Variants in ZNF326 observed in about 807,000 individuals in gnomAD.
ZNF326 encodes the protein zinc finger protein 326.
Under a neutral mutation model 63.1 loss-of-function variants are expected in ZNF326, and 30 were observed. The observed-to-expected ratio is 0.48, with a 90% CI of 0.36 to 0.64. The LOEUF is 0.64. ZNF326 is among the 30% of genes least tolerant of loss of function. ZNF326 has a pLI of 0.00. For synonymous variants in ZNF326, 194 were observed against 228.2 expected (o/e 0.85, Z 1.35); for missense variants, 609 against 720.3 (o/e 0.85, Z 1.77).
In ZNF326 at chr1:90,027,811, C is replaced by A; in HGVS notation, c.*110C>A. On this transcript the variant is annotated 3_prime_UTR_variant, in exon 12 of 12. Transcript: ENST00000340281. Reference sequence around the variant, plus strand: ...ATTAACACCCATGTTGCATGCATTCCACATATTAAAATTTGTTTTATATAA... The same window carrying A: ...ATTAACACCCATGTTGCATGCATTCAACATATTAAAATTTGTTTTATATAA... 2 of 951,392 alleles carry A rather than the reference C, an allele frequency of 2.1e-6. No individual in the cohort carries two copies. Among genetic ancestry groups the A allele is most frequent in the East Asian group, 2.6e-5 (1 of 38,288 alleles). The allele number at this position is 951,392 out of a possible 1,614,324, so 58.9% of individuals were successfully genotyped here.
intron 1 of ZNF326, among the ~76,000 whole-genome samples, chr1:89,996,954 C>G (rs1490866742): frequency 6.6e-6 from 1 of 152,192 alleles, no homozygotes; most frequent in Non-Finnish European, 1.5e-5. Context: ...TAAGGGAATC[C>G]ATTTCTATGG....
chr1:90,003,525 G>C (rs910618963), intron 2 of ZNF326, among the ~76,000 whole-genome samples: 1 of 152,182 alleles, frequency 6.6e-6, no homozygotes, highest in Non-Finnish European at 1.5e-5. Context: ...AGTATCACAA[G>C]CACCACGTGA....
chr1:90,009,041 G>C (rs1649118970), intron 5 of ZNF326, among the ~76,000 whole-genome samples: 1 of 152,102 alleles, frequency 6.6e-6, no homozygotes, highest in African/African-American at 2.4e-5. Context: ...ATTCTAGTTT[G>C]AAAATTTGGA....
In ZNF326 at chr1:90,005,745, G is replaced by A. The variant is rs1033780865; in HGVS notation, c.209+501G>A. ...TATTCCTTTAATTCTAATTTTAAAG[G>A]AAGAGCATATTGCAATAATAAAAAT... On this transcript the variant is annotated intron_variant, in intron 4 of 11. Coordinates refer to ENST00000340281, the MANE Select transcript of ZNF326 (RefSeq NM_182976.4). 13 of 983,244 alleles carry A rather than the reference G, an allele frequency of 1.3e-5. No individual in the cohort carries two copies. The African/African-American group carries it at 2.3e-4, about 17-fold the overall frequency. The allele number at this position is 983,244 out of a possible 1,614,324, so 60.9% of individuals were successfully genotyped here.
At chr1:90,005,980 G>A (rs1331017437) in intron 4 of ZNF326, 1 of 985,384 alleles carries the variant, frequency 1.0e-6, no homozygotes, top group Non-Finnish European at 1.2e-6. Flanking sequence ...TCAGGAGAAG[G>A]GGTGTCTACT....
chr1:90,010,021 A>G, intron 5 of ZNF326, 67 bp from the exon 6 acceptor site: 1 of 1,497,928 alleles, frequency 6.7e-7, no homozygotes, highest in South Asian at 1.3e-5. Flanking sequence ...TAACATGAAA[A>G]TTTTATATGA....
rs746025410 is a variant in ZNF326 at position 90,020,830 on chromosome 1, G to A, written c.1213G>A (p.Val405Ile). 5.0e-6 allele frequency: 8 copies of A among 1,612,964 alleles called. No homozygotes were observed. Among genetic ancestry groups the A allele is most frequent in the Non-Finnish European group, 3.4e-6 (4 of 1,179,234 alleles). ...VDDHMMKVET[V>I]HCSACSVYIP... is the part of the protein sequence containing the mutation. ...TGATCACATGATGAAGGTAGAGACA[G>A]TTCATTGCAGCGCTTGCAGTGTTTA... Residue 405 changes from valine (V) to isoleucine (I), a missense_variant, in exon 10 of 12, where the codon GTT (valine) becomes ATT (isoleucine). Val to Ile is a conservative substitution (Grantham distance 29). Around this residue, in one of 3 missense-constraint regions of ZNF326, gnomAD observed 399 missense variants for 444.3 expected, o/e 0.90. Coordinates refer to ENST00000340281, the MANE Select transcript of ZNF326 (RefSeq NM_182976.4).
chr1:90,027,447 G>A lies in ZNF326; in HGVS notation c.1495G>A (p.Glu499Lys). Residue 499 changes from glutamate (E) to lysine (K), a missense_variant, in exon 12 of 12, where the codon GAA becomes AAA. Coordinates refer to ENST00000340281, the MANE Select transcript of ZNF326 (RefSeq NM_182976.4). Reference sequence around the variant, plus strand: ...AGAGAAGATTGATGAACCTATTGAAGAAGAGGAGGATGAAGATGAGGAAGA... The same window carrying A: ...AGAGAAGATTGATGAACCTATTGAAAAAGAGGAGGATGAAGATGAGGAAGA... The part of the protein sequence containing the change: ...DEEKIDEPIE[E>K]EEDEDEEEEA... The A allele has an allele frequency of 6.2e-7, 1 of 1,613,564 alleles. No individual in the cohort carries two copies. The highest frequency in any genetic ancestry group is 2.2e-5 in the East Asian group (1 of 44,862).
intron 8 of ZNF326, 143 bp downstream of exon 8, chr1:90,017,607 CAG>C (rs1649565202): frequency 1.4e-6 from 1 of 708,948 alleles, no homozygotes; most frequent in Non-Finnish European, 2.2e-6. Context: ...AAAATTAACT[CAG>C]AATTACTTGT....
In ZNF326 at chr1:90,032,500, T is replaced by C. The variant is rs1650321538; in HGVS notation, c.*4799T>C. On this transcript the variant is annotated 3_prime_UTR_variant, in exon 12 of 12. Transcript: ENST00000340281. ...AGTTCTATTAAAATTGTAGAGGAGATACAATAATACAAATTTCAGCAATAA... is the reference window on the plus strand; with the variant it reads ...AGTTCTATTAAAATTGTAGAGGAGACACAATAATACAAATTTCAGCAATAA... The C allele has an allele frequency of 6.6e-6, 1 of 152,040 alleles. No homozygotes were observed. Among genetic ancestry groups the C allele is most frequent in the African/African-American group, 2.4e-5 (1 of 41,382 alleles). 9.4% of individuals were successfully genotyped at this position (152,040 alleles called of 1,614,324 possible).
chr1:89,995,386 A>G, intron 1 of ZNF326, 113 bp downstream of exon 1: 7 of 1,348,612 alleles, frequency 5.2e-6, no homozygotes, highest in South Asian at 1.5e-5. Flanking sequence ...GCGGGCCCGG[A>G]GGCCGCCCGC....
At chr1:90,003,107 A>G (rs1459120410) in intron 2 of ZNF326, among the ~76,000 whole-genome samples, 1 of 152,052 alleles carries the variant, frequency 6.6e-6, no homozygotes, top group East Asian at 1.9e-4. Context: ...GTTTTCGTTA[A>G]AACAATGTTT....
At chr1:90,013,981 C>G (rs191213753) in intron 7 of ZNF326, among the ~76,000 whole-genome samples, 16 of 151,872 alleles carry the variant, frequency 1.1e-4, no homozygotes, top group African/African-American at 3.9e-4. Context: ...GGGACGATGG[C>G]GTGAACCCGG....
intron 2 of ZNF326, among the ~76,000 whole-genome samples, chr1:89,998,559 G>A (rs1570932022): frequency 6.6e-6 from 1 of 152,092 alleles, no homozygotes; most frequent in East Asian, 1.9e-4. Flanking sequence ...TTGTTTTTGA[G>A]GTCATTTTCT....
Position 90,005,253 on chromosome 1 carries a change from C to G in ZNF326, c.209+9C>G, listed in dbSNP as rs1478549911. The G allele has an allele frequency of 1.3e-5, 21 of 1,606,006 alleles. No homozygotes were observed. The highest frequency in any genetic ancestry group is 1.8e-5 in the Non-Finnish European group (21 of 1,177,662). ...GGTGGTGGGGGTAGCAGGTAAATTG[C>G]TTAATCATTTGGCCAAATAATTAGA... On this transcript the variant is annotated intron_variant, in intron 4 of 11. Coordinates refer to ENST00000340281, the MANE Select transcript of ZNF326 (RefSeq NM_182976.4).
At chr1:90,003,753 T>C (rs1648813611) in intron 2 of ZNF326, among the ~76,000 whole-genome samples, 1 of 152,176 alleles carries the variant, frequency 6.6e-6, no homozygotes, top group African/African-American at 2.4e-5. Context: ...GGGAAAATCA[T>C]TTCATCTCTT....
rs1271593264 is a variant in ZNF326, at chr1:90,029,226, A to G, written c.*1525A>G. ...TATGGACATTTGTAGAATCCCACAG[A>G]TAATTTATCTTTTTGTGTAAAATAA... On this transcript the variant is annotated 3_prime_UTR_variant, in exon 12 of 12. Coordinates refer to ENST00000340281, the MANE Select transcript of ZNF326 (RefSeq NM_182976.4). The G allele has an allele frequency of 6.6e-6, 1 of 152,178 alleles. No homozygotes were observed. The highest frequency in any genetic ancestry group is 2.4e-5 in the African/African-American group (1 of 41,448). 9.4% of individuals were successfully genotyped at this position (152,178 alleles called of 1,614,324 possible).
At chr1:89,995,362 G>A in intron 1 of ZNF326, 89 bp downstream of exon 1, 1 of 1,469,988 alleles carries the variant, frequency 6.8e-7, no homozygotes. Context: ...AGATGGCCGT[G>A]TGGGCTTTGT....
intron 6 of ZNF326, among the ~76,000 whole-genome samples, chr1:90,011,289 C>A (rs753821858): frequency 1.3e-5 from 2 of 152,034 alleles, no homozygotes; most frequent in African/African-American, 2.4e-5. Context: ...TTCCTCAATA[C>A]AAGGTCTTGC....
Sources: gnomAD v4.1 joint callset for allele counts (sites outside exome capture counted in the v4.1 genomes callset) on GRCh38, gnomAD v4.1.1 for gene constraint, gnomAD v4.1.1 regional missense constraint, MANE v1.5 for transcripts, NCBI Gene and HGNC (gene_info 2026-07-23, HGNC 2026-07-21) for gene names.